Variants in PRKN observed in about 807,000 individuals in gnomAD.
The protein encoded by PRKN is E3 ubiquitin-protein ligase parkin.
In PRKN, 56 loss-of-function variants were observed where a neutral mutation model predicts 59.5. The observed-to-expected ratio is 0.94, with a 90% CI of 0.76 to 1.18. PRKN has a LOEUF of 1.18. Among genes scored for constraint, PRKN ranks in the 50% most tolerant of loss-of-function variants. The pLI is 0.00. For missense variants in PRKN, 657 were observed against 596.4 expected, an observed-to-expected ratio of 1.10 and a Z score of -1.06; for synonymous variants, 250 against 222.1, an observed-to-expected ratio of 1.13 and a Z score of -1.12.
At chr6:162,688,598 T>C (rs1777653659) in intron 1 of PRKN, among the ~76,000 whole-genome samples, 1 of 152,198 alleles carries the variant, frequency 6.6e-6, no homozygotes, top group Non-Finnish European at 1.5e-5. Context: ...AGTGCACACA[T>C]TCAGAAGGTT....
intron 1 of PRKN, among the ~76,000 whole-genome samples, chr6:162,709,003 G>A (rs556247315): frequency 6.6e-4 from 100 of 152,184 alleles, no homozygotes; most frequent in African/African-American, 2.3e-3. Flanking sequence ...TCACCGGAGC[G>A]TGAACCCTAT....
At chr6:162,061,795 T>A (rs1778116697) in intron 4 of PRKN, among the ~76,000 whole-genome samples, 1 of 152,148 alleles carries the variant, frequency 6.6e-6, no homozygotes, top group Non-Finnish European at 1.5e-5. Context: ...GAGACTGCAG[T>A]TATAAAAAAG....
intron 5 of PRKN, among the ~76,000 whole-genome samples, chr6:161,993,192 T>A (rs757528992): frequency 6.6e-6 from 1 of 151,344 alleles, no homozygotes; most frequent in Non-Finnish European, 1.5e-5. Flanking sequence ...AAGATAAAAA[T>A]CACAAACTAC....
chr6:162,277,820 C>G (rs1236085072), intron 2 of PRKN, among the ~76,000 whole-genome samples: 1 of 152,154 alleles, frequency 6.6e-6, no homozygotes, highest in African/African-American at 2.4e-5. Context: ...TCGTTCATTG[C>G]TACTGGGAAT....
intron 2 of PRKN, among the ~76,000 whole-genome samples, chr6:162,265,942 C>T (rs1780111360): frequency 6.6e-6 from 1 of 152,170 alleles, no homozygotes; most frequent in African/African-American, 2.4e-5. Context: ...TCTATTTGGA[C>T]AAGCTATCAC....
chr6:162,569,572 C>T (rs1780226421), intron 1 of PRKN: 4 of 717,638 alleles, frequency 5.6e-6, no homozygotes, highest in South Asian at 5.4e-5. Context: ...GTCTCACAAG[C>T]CCTGGCCTCA....
chr6:161,695,831 T>G (rs764090052), intron 7 of PRKN, among the ~76,000 whole-genome samples: 1 of 152,086 alleles, frequency 6.6e-6, no homozygotes, highest in Non-Finnish European at 1.5e-5. Flanking sequence ...GAGGAGGTGT[T>G]TTTCAATTCC....
At chr6:162,692,322 C>T (rs924577124) in intron 1 of PRKN, among the ~76,000 whole-genome samples, 2 of 152,158 alleles carry the variant, frequency 1.3e-5, no homozygotes, top group African/African-American at 4.8e-5. Context: ...AAAAGATTGG[C>T]TCTTGACAAG....
intron 6 of PRKN, among the ~76,000 whole-genome samples, chr6:161,855,211 T>C (rs939055450): frequency 2.6e-5 from 4 of 152,162 alleles, no homozygotes; most frequent in Non-Finnish European, 5.9e-5. Context: ...AGAACCTCTT[T>C]CTGCGATGAT....
chr6:161,991,088 A>C (rs1308950261), intron 5 of PRKN, among the ~76,000 whole-genome samples: 1 of 152,190 alleles, frequency 6.6e-6, no homozygotes, highest in Admixed American at 6.5e-5. Context: ...AAGAGAGAAT[A>C]GGATGATATA....
At chr6:162,583,141 C>T (rs932078709) in intron 1 of PRKN, among the ~76,000 whole-genome samples, 4 of 152,182 alleles carry the variant, frequency 2.6e-5, no homozygotes, top group Admixed American at 6.5e-5. Flanking sequence ...TACAAGGTGC[C>T]ACCTTGGAAG....
chr6:162,645,869 T>TCTCTC (rs759214135), intron 1 of PRKN, among the ~76,000 whole-genome samples: 4 of 83,616 alleles, frequency 4.8e-5, no homozygotes, highest in African/African-American at 1.5e-4. Flanking sequence ...AAACTTTCTC[T>TCTCTC]TTTTTTTTTT....
chr6:161,973,251 A>ATCCT, intron 6 of PRKN, 51 bp downstream of exon 6: 1 of 1,184,874 alleles, frequency 8.4e-7, no homozygotes, highest in Non-Finnish European at 1.3e-6. Flanking sequence ...CTATTTTTAG[A>ATCCT]TCCTTACCTC....
At chr6:162,608,683 T>C (rs35424047) in intron 1 of PRKN, among the ~76,000 whole-genome samples, 15,304 of 152,166 alleles carry the variant, frequency 0.1, 910 homozygotes, top group Middle Eastern at 0.19. Flanking sequence ...ATTCATGACT[T>C]GAAGGGACAC....
chr6:162,260,183 G>A (rs1779827510), intron 3 of PRKN, among the ~76,000 whole-genome samples: 1 of 152,136 alleles, frequency 6.6e-6, no homozygotes, highest in African/African-American at 2.4e-5. Context: ...AGAGTTGCCT[G>A]AGCCAGTCCC....
At chr6:161,769,539 G>A (rs1034530511) in intron 7 of PRKN, among the ~76,000 whole-genome samples, 3 of 152,080 alleles carry the variant, frequency 2.0e-5, no homozygotes, top group South Asian at 2.1e-4. Flanking sequence ...CCAGATGTCC[G>A]CCTAAATTCC....
At chr6:162,435,118 T>C (rs1258296184) in intron 2 of PRKN, among the ~76,000 whole-genome samples, 1 of 152,176 alleles carries the variant, frequency 6.6e-6, no homozygotes, top group African/African-American at 2.4e-5. Context: ...GTAACACAGT[T>C]TCAGTATGGC....
chr6:162,427,644 G>GC (rs1317394673), intron 2 of PRKN, among the ~76,000 whole-genome samples: 6 of 144,206 alleles, frequency 4.2e-5, no homozygotes, highest in African/African-American at 1.3e-4. Flanking sequence ...GTAAATAAAT[G>GC]TTTTTTTTTC....
intron 8 of PRKN, among the ~76,000 whole-genome samples, chr6:161,559,617 G>A (rs538331743): frequency 1.3e-5 from 2 of 152,162 alleles, no homozygotes; most frequent in South Asian, 4.2e-4. Context: ...TTCTTTCCCT[G>A]AATTCAGTAT....
Sources: gnomAD v4.1 joint callset for allele counts (sites outside exome capture counted in the v4.1 genomes callset) on GRCh38, gnomAD v4.1.1 for gene constraint, MANE v1.5 for transcripts, NCBI Gene and HGNC (gene_info 2026-07-23, HGNC 2026-07-21) for gene names.